The following CSMD1 variants were observed in gnomAD, a reference collection of about 807,000 sequenced individuals.
The protein encoded by CSMD1 is CUB and Sushi multiple domains 1.
In CSMD1, 213 loss-of-function variants were observed where a neutral mutation model predicts 417.5. The observed-to-expected ratio is 0.51, with a 90% CI of 0.46 to 0.57. CSMD1 has a LOEUF of 0.57. CSMD1 is among the 20% of genes least tolerant of loss of function. The pLI is 0.00. For missense variants in CSMD1, 6,923 were observed against 4,529.7 expected (o/e 1.53, Z -15.17); for synonymous variants, 2,862 against 1,736.8 (o/e 1.65, Z -16.11).
At chr8:3,047,221 A>G (rs891357662) in intron 50 of CSMD1, among the ~76,000 whole-genome samples, 1 of 138,290 alleles carries the variant, frequency 7.2e-6, no homozygotes, top group Non-Finnish European at 1.7e-5. Flanking sequence ...CTCAAAAAAA[A>G]AAAAAAAAAA....
intron 1 of CSMD1, among the ~76,000 whole-genome samples, chr8:4,753,296 T>C (rs554891053): frequency 6.6e-6 from 1 of 151,540 alleles, no homozygotes; most frequent in African/African-American, 2.4e-5. Flanking sequence ...ATGAGGAATT[T>C]TGGAATACAT....
chr8:4,744,053 T>C (rs1292653022), intron 1 of CSMD1, among the ~76,000 whole-genome samples: 1 of 152,208 alleles, frequency 6.6e-6, no homozygotes. Context: ...CCGTTTTTCT[T>C]ATGCGGCTTT....
intron 2 of CSMD1, among the ~76,000 whole-genome samples, chr8:4,624,133 T>C (rs1000229994): frequency 6.6e-6 from 1 of 152,124 alleles, no homozygotes; most frequent in African/African-American, 2.4e-5. Context: ...AAATTCTAAT[T>C]TAGGAAACCA....
chr8:3,879,444 A>AC (rs1442341357), intron 5 of CSMD1, among the ~76,000 whole-genome samples: 1 of 152,154 alleles, frequency 6.6e-6, no homozygotes, highest in African/African-American at 2.4e-5. Context: ...GTCATTGAGA[A>AC]CAATGTCCCA....
intron 52 of CSMD1, among the ~76,000 whole-genome samples, chr8:3,008,798 A>T (rs139303799): frequency 6.6e-6 from 1 of 152,298 alleles, no homozygotes; most frequent in African/African-American, 2.4e-5. Context: ...TAAAACCACC[A>T]CACTGATTGT....
At chr8:4,422,051 T>G (rs768491850) in intron 2 of CSMD1, among the ~76,000 whole-genome samples, 35 of 152,064 alleles carry the variant, frequency 2.3e-4, no homozygotes, top group Non-Finnish European at 4.3e-4. Context: ...TAAGACAATA[T>G]GGGTCACTAA....
chr8:4,032,302 T>A (rs1415957937), intron 3 of CSMD1, among the ~76,000 whole-genome samples: 1 of 152,186 alleles, frequency 6.6e-6, no homozygotes, highest in Middle Eastern at 3.2e-3. Flanking sequence ...TTTATAAACA[T>A]CATAAAGTGT....
At chr8:3,954,603 C>A (rs150601893) in intron 5 of CSMD1, among the ~76,000 whole-genome samples, 1 of 152,334 alleles carries the variant, frequency 6.6e-6, no homozygotes, top group African/African-American at 2.4e-5. Context: ...ACCTCGTGAT[C>A]CGCCCACCTT....
chr8:3,250,540 G>A (rs1006381015), intron 26 of CSMD1, among the ~76,000 whole-genome samples: 1 of 152,212 alleles, frequency 6.6e-6, no homozygotes, highest in African/African-American at 2.4e-5. Flanking sequence ...GGTCTTTATA[G>A]CAGCATGATT....
chr8:4,450,816 A>G (rs1194518809), intron 2 of CSMD1, among the ~76,000 whole-genome samples: 2 of 152,198 alleles, frequency 1.3e-5, no homozygotes, highest in Non-Finnish European at 2.9e-5. Flanking sequence ...AGAGGCATAA[A>G]CATACTGCAC....
chr8:4,771,953 C>G (rs77325938), intron 1 of CSMD1, among the ~76,000 whole-genome samples: 1,610 of 152,282 alleles, frequency 0.011, 14 homozygotes, highest in East Asian at 0.052. Flanking sequence ...CGTGATAATT[C>G]CTGCAACAAT....
At chr8:4,083,827 C>A (rs1393050695) in intron 3 of CSMD1, among the ~76,000 whole-genome samples, 1 of 152,098 alleles carries the variant, frequency 6.6e-6, no homozygotes, top group East Asian at 1.9e-4. Flanking sequence ...CAACAAAAGC[C>A]AAAATTGACA....
intron 1 of CSMD1, among the ~76,000 whole-genome samples, chr8:4,811,385 T>C (rs1798896231): frequency 6.6e-6 from 1 of 151,880 alleles, no homozygotes; most frequent in Non-Finnish European, 1.5e-5. Context: ...CCATTAAAAT[T>C]AGTTTTTTTT....
chr8:4,061,573 C>G (rs929574758), intron 3 of CSMD1, among the ~76,000 whole-genome samples: 7 of 152,146 alleles, frequency 4.6e-5, no homozygotes, highest in Admixed American at 1.3e-4. Flanking sequence ...ATGCTCTTGA[C>G]TATGGTAAGG....
intron 42 of CSMD1, among the ~76,000 whole-genome samples, chr8:3,118,039 G>A (rs529472120): frequency 1.3e-5 from 2 of 152,124 alleles, no homozygotes; most frequent in East Asian, 3.9e-4. Flanking sequence ...TTTTCCCTCT[G>A]GTCCTACAAT....
intron 3 of CSMD1, among the ~76,000 whole-genome samples, chr8:4,403,785 C>T (rs1359834510): frequency 6.6e-6 from 1 of 152,172 alleles, no homozygotes; most frequent in Non-Finnish European, 1.5e-5. Flanking sequence ...TTGATCCTCT[C>T]TCCTGGACTT....
At chr8:4,825,416 T>C (rs1446775994) in intron 1 of CSMD1, among the ~76,000 whole-genome samples, 1 of 152,114 alleles carries the variant, frequency 6.6e-6, no homozygotes, top group Admixed American at 6.6e-5. Flanking sequence ...ATGGTGACTC[T>C]AGGCACAGTG....
Position 4,832,443 on chromosome 8 carries a change from G to A in CSMD1, c.85+161889C>T, listed in dbSNP as rs116585450. On this transcript the variant is annotated intron_variant, in intron 1 of 69. Transcript: ENST00000635120. ...ATCAGGAAGACTTTGGAGAAGAGGC[G>A]CTGTGGCCAGGGAAAAAATTACAAA... Among the ~76,000 whole-genome samples, 284 of 152,254 alleles carry A rather than the reference G, an allele frequency of 1.9e-3. 4 individuals are homozygous for A. Among genetic ancestry groups the A allele is most frequent in the African/African-American group, 5.9e-3 (245 of 41,544 alleles).
intron 39 of CSMD1, among the ~76,000 whole-genome samples, chr8:3,154,663 C>A (rs1369827046): frequency 6.6e-6 from 1 of 152,090 alleles, no homozygotes; most frequent in Non-Finnish European, 1.5e-5. Context: ...GAACTTCACC[C>A]AGCTGTAGAG....
Sources: allele counts gnomAD v4.1 joint callset (sites outside exome capture counted in the v4.1 genomes callset), GRCh38; gene constraint gnomAD v4.1.1; transcripts MANE v1.5; gene names NCBI Gene and HGNC (gene_info 2026-07-23, HGNC 2026-07-21).